EDIL3: variants seen among roughly 807,000 people sequenced by gnomAD.
EDIL3 encodes the protein EGF like and discoidin domains 3, also known as EGF-like repeat and discoidin I-like domain-containing protein 3.
A neutral mutation model predicts 67.4 loss-of-function variants in EDIL3; 37 were observed. That is an observed-to-expected ratio of 0.55 (90% CI 0.42 to 0.72). EDIL3 has a LOEUF of 0.72. EDIL3 is among the 30% of genes least tolerant of loss of function. EDIL3 has a pLI of 0.00. For missense variants in EDIL3, 527 were observed against 586.3 expected (o/e 0.90, Z 1.04); for synonymous variants, 195 against 196.3 (o/e 0.99, Z 0.05).
At chr5:84,111,512 C>T (rs1438876992) in intron 5 of EDIL3, among the ~76,000 whole-genome samples, 1 of 152,148 alleles carries the variant, frequency 6.6e-6, no homozygotes, top group African/African-American at 2.4e-5. Context: ...TATTGAAGCC[C>T]TTCTACATAT....
At chr5:84,087,014 A>T (rs1349501758) in intron 6 of EDIL3, among the ~76,000 whole-genome samples, 1 of 152,154 alleles carries the variant, frequency 6.6e-6, no homozygotes, top group African/African-American at 2.4e-5. Flanking sequence ...TTTTGCTTAT[A>T]TGCCTTTGAC....
chr5:84,247,996 T>C (rs998608681), intron 2 of EDIL3, among the ~76,000 whole-genome samples: 3 of 152,146 alleles, frequency 2.0e-5, no homozygotes, highest in African/African-American at 7.2e-5. Context: ...CTGATCATTT[T>C]AACAATATTT....
intron 9 of EDIL3, among the ~76,000 whole-genome samples, chr5:84,054,694 G>T (rs948725898): frequency 1.3e-5 from 2 of 152,026 alleles, no homozygotes; most frequent in African/African-American, 4.8e-5. Flanking sequence ...AATGATGAGT[G>T]AACTCCCATT....
intron 6 of EDIL3, among the ~76,000 whole-genome samples, chr5:84,092,581 C>A (rs1747185946): frequency 6.6e-6 from 1 of 152,016 alleles, no homozygotes; most frequent in Admixed American, 6.6e-5. Context: ...GTATATCTGA[C>A]ATTTTTACAA....
At chr5:84,014,540 G>A (rs947979590) in intron 9 of EDIL3, among the ~76,000 whole-genome samples, 3 of 152,156 alleles carry the variant, frequency 2.0e-5, no homozygotes, top group Non-Finnish European at 4.4e-5. Flanking sequence ...AGCTACTTGG[G>A]AGGCTGAGGC....
Position 84,229,426 on chromosome 5 carries a change from C to T in EDIL3, c.226+429G>A, listed in dbSNP as rs60383058. Among the ~76,000 whole-genome samples, 1,295 of 152,198 alleles carry T rather than the reference C, an allele frequency of 8.5e-3. 20 individuals carry two copies. Among genetic ancestry groups the T allele is most frequent in the African/African-American group, 0.03 (1,231 of 41,530 alleles). ...AGCCTAGTGAATATGATGTTTGATG[C>T]TAGTTATACATGTGATAGTGCTGTA... On this transcript the variant is annotated intron_variant, in intron 3 of 10. Transcript: ENST00000296591.
At chr5:84,214,928 A>C (rs1287523425) in intron 3 of EDIL3, among the ~76,000 whole-genome samples, 1 of 152,080 alleles carries the variant, frequency 6.6e-6, no homozygotes, top group Non-Finnish European at 1.5e-5. Flanking sequence ...TGTGCTGCCC[A>C]GGGTGGTCTC....
At chr5:84,302,275 G>C (rs982418521) in intron 1 of EDIL3, among the ~76,000 whole-genome samples, 1 of 151,556 alleles carries the variant, frequency 6.6e-6, no homozygotes, top group Non-Finnish European at 1.5e-5. Flanking sequence ...TTAAATTCAC[G>C]ATCTCAATTA....
At chr5:84,089,498 G>A (rs753184118) in intron 6 of EDIL3, among the ~76,000 whole-genome samples, 10 of 152,116 alleles carry the variant, frequency 6.6e-5, no homozygotes, top group Non-Finnish European at 1.2e-4. Context: ...CTCCTAGCTG[G>A]TATCCTTGCT....
chr5:84,367,423 AT>A (rs1747761507), intron 1 of EDIL3, among the ~76,000 whole-genome samples: 2 of 152,146 alleles, frequency 1.3e-5, no homozygotes, highest in Admixed American at 1.3e-4. Context: ...GAGAAAACAT[AT>A]TTGCAATACC....
chr5:84,217,238 C>A (rs1268212592), intron 3 of EDIL3, among the ~76,000 whole-genome samples: 1 of 151,622 alleles, frequency 6.6e-6, no homozygotes, highest in Non-Finnish European at 1.5e-5. Flanking sequence ...ACCTCTAAGT[C>A]TGCACAGATA....
chr5:84,256,760 G>T lies in EDIL3; in HGVS notation c.68-2548C>A, dbSNP rs138577858. On this transcript the variant is annotated intron_variant, in intron 1 of 10. Transcript: ENST00000296591. The stretch of plus-strand genomic sequence containing the variant: ...ACTAAGGCAGCAATGTGTTGAATCA[G>T]ATGGAGGAGGTTGGGCCGAGGGAAA... Among the ~76,000 whole-genome samples the T allele has an allele frequency of 1.4e-4, 22 of 152,282 alleles. No homozygotes were observed. In the East Asian group the frequency reaches 4.1e-3, roughly 28 times the overall value.
chr5:84,054,198 A>G (rs1423540612), intron 9 of EDIL3, among the ~76,000 whole-genome samples: 1 of 152,236 alleles, frequency 6.6e-6, no homozygotes, highest in African/African-American at 2.4e-5. Flanking sequence ...ACAGAACCAA[A>G]GACAAAAACC....
chr5:84,326,479 G>A (rs945808895), intron 1 of EDIL3, among the ~76,000 whole-genome samples: 1 of 145,716 alleles, frequency 6.9e-6, no homozygotes, highest in African/African-American at 2.5e-5. Flanking sequence ...TGTACAAACA[G>A]TATGAAATTA....
chr5:84,237,075 G>A (rs900695434), intron 2 of EDIL3, among the ~76,000 whole-genome samples: 1 of 151,970 alleles, frequency 6.6e-6, no homozygotes, highest in African/African-American at 2.4e-5. Flanking sequence ...GATGGTCACA[G>A]CATCCATGTT....
intron 2 of EDIL3, among the ~76,000 whole-genome samples, chr5:84,244,797 G>A (rs996609079): frequency 2.6e-5 from 4 of 152,086 alleles, no homozygotes; most frequent in African/African-American, 7.2e-5. Context: ...CTACCAGTCC[G>A]TGGCCTGTTA....
At chr5:84,359,223 A>G (rs766195052) in intron 1 of EDIL3, among the ~76,000 whole-genome samples, 3 of 152,340 alleles carry the variant, frequency 2.0e-5, no homozygotes, top group South Asian at 2.1e-4. Context: ...CTGCCTATAT[A>G]GCATTGTCAT....
intron 1 of EDIL3, among the ~76,000 whole-genome samples, chr5:84,336,820 T>C (rs1561261368): frequency 1.3e-5 from 2 of 152,132 alleles, no homozygotes; most frequent in Non-Finnish European, 2.9e-5. Context: ...ATGCCAAGGA[T>C]ATATCTCCTC....
chr5:84,371,417 GTA>G (rs1442082773), intron 1 of EDIL3, among the ~76,000 whole-genome samples: 23 of 132,522 alleles, frequency 1.7e-4, no homozygotes, highest in East Asian at 8.7e-4. Context: ...GTGTATATGT[GTA>G]TATATATGTG....
Sources: allele counts gnomAD v4.1 joint callset (sites outside exome capture counted in the v4.1 genomes callset), GRCh38; gene constraint gnomAD v4.1.1; transcripts MANE v1.5; gene names NCBI Gene and HGNC (gene_info 2026-07-23, HGNC 2026-07-21).